Variants in NDRG2 observed in about 807,000 individuals in gnomAD.
NDRG2 encodes protein NDRG2.
In NDRG2, 34 loss-of-function variants were observed where a neutral mutation model predicts 58.2. The ratio of observed to expected loss-of-function variants is 0.58; its 90% CI spans 0.44 to 0.78. NDRG2 has a LOEUF of 0.78. NDRG2 is among the 30% of genes least tolerant of loss of function. The pLI, the probability that NDRG2 is intolerant of heterozygous loss-of-function variation, is 0.00. For synonymous variants in NDRG2, 187 were observed against 175.9 expected, an observed-to-expected ratio of 1.06 and a Z score of -0.50; for missense variants, 434 against 471.2, an observed-to-expected ratio of 0.92 and a Z score of 0.73.
intron 1 of NDRG2, chr14:21,031,849 C>T (rs375585553): frequency 1.7e-4 from 263 of 1,591,706 alleles, no homozygotes; most frequent in Middle Eastern, 5.0e-4. Context: ...GATATGACAG[C>T]GTAAGGAAAG....
chr14:21,030,324 G>A (rs919872328), upstream of NDRG2: 10 of 468,878 alleles, frequency 2.1e-5, no homozygotes, highest in Non-Finnish European at 3.5e-5. Flanking sequence ...AGAGGTAGGG[G>A]AAAGAGAGGA....
intron 1 of NDRG2, among the ~76,000 whole-genome samples, chr14:21,062,707 C>T (rs989625821): frequency 1.7e-5 from 1 of 57,664 alleles, no homozygotes; most frequent in Non-Finnish European, 3.3e-5. Context: ...AGGCTGGGCA[C>T]AGTGTGTGTG....
In NDRG2 at chr14:21,024,774, C is replaced by T. The variant is rs1882897633; in HGVS notation, c.-751G>A. ...CGTCCCTACGAGTCCCTACGCAGCC[C>T]GTCCGCGTGGAGACTGACACCCTTG... On this transcript the variant is annotated 5_prime_UTR_variant, in exon 1 of 16. Transcript: ENST00000556147. The T allele has an allele frequency of 1.0e-6, 1 of 985,592 alleles. No homozygotes were observed. Among genetic ancestry groups the T allele is most frequent in the Non-Finnish European group, 1.2e-6 (1 of 830,054 alleles). 61.1% of individuals were successfully genotyped at this position (985,592 alleles called of 1,614,324 possible). A position where few individuals can be genotyped will look rare whatever the true frequency, so the allele number is the denominator to read the frequency against.
chr14:21,019,616 G>A (rs765151552), intron 10 of NDRG2, 23 bp downstream of exon 10: 22 of 1,483,846 alleles, frequency 1.5e-5, no homozygotes, highest in South Asian at 5.8e-5. Flanking sequence ...TCTCTCACAT[G>A]CATACACACA....
chr14:21,017,164 T>A lies in NDRG2; in HGVS notation c.*432A>T, dbSNP rs1877244998. The stretch of plus-strand genomic sequence containing the variant: ...CATACCCTTCAGAGTCCTAAAGGGT[T>A]AATGAGAAGCCACCTCAGCTTTGGT... On this transcript the variant is annotated 3_prime_UTR_variant, in exon 16 of 16. Transcript: ENST00000556147. The A allele has an allele frequency of 2.7e-6, 1 of 365,760 alleles. No homozygotes were observed. The highest frequency in any genetic ancestry group is 3.3e-5 in the Admixed American group (1 of 30,158). The allele number at this position is 365,760 out of a possible 1,614,324, so 22.7% of individuals were successfully genotyped here. A position where few individuals can be genotyped will look rare whatever the true frequency, so the allele number is the denominator to read the frequency against.
At chr14:21,058,274 C>G (rs1885774461) in intron 1 of NDRG2, 2 of 1,614,150 alleles carry the variant, frequency 1.2e-6, no homozygotes. Flanking sequence ...CCTGAACACA[C>G]CTTACATAGT....
chr14:21,023,894 G>T, intron 1 of NDRG2, 136 bp downstream of exon 1: 1 of 849,110 alleles, frequency 1.2e-6, no homozygotes, highest in Non-Finnish European at 1.4e-6. Flanking sequence ...CCAACCCAAT[G>T]CCTCCCTTCC....
intron 1 of NDRG2, among the ~76,000 whole-genome samples, chr14:21,056,687 CTCTT>C (rs1343670332): frequency 6.6e-6 from 1 of 152,254 alleles, no homozygotes; most frequent in African/African-American, 2.4e-5. Flanking sequence ...CTATGGGAAA[CTCTT>C]TCCTCTTTCC....
chr14:21,058,417 C>A, intron 1 of NDRG2: 2 of 1,251,828 alleles, frequency 1.6e-6, no homozygotes, highest in Non-Finnish European at 2.3e-6. Context: ...CTTTTCCTCC[C>A]TCCAGTTCGT....
intron 1 of NDRG2, among the ~76,000 whole-genome samples, chr14:21,034,938 T>A (rs987158022): frequency 6.6e-6 from 1 of 152,246 alleles, no homozygotes; most frequent in Non-Finnish European, 1.5e-5. Context: ...AGTTCCTAAG[T>A]GCCTGGGCTT....
intron 1 of NDRG2, chr14:21,042,975 C>T (rs775940753): frequency 2.9e-5 from 47 of 1,602,764 alleles, no homozygotes; most frequent in Admixed American, 1.9e-4. Flanking sequence ...TCCATCCTGA[C>T]TGCTCCTCCT....
At chr14:21,059,412 T>C (rs947592919) in intron 1 of NDRG2, among the ~76,000 whole-genome samples, 1 of 152,154 alleles carries the variant, frequency 6.6e-6, no homozygotes, top group African/African-American at 2.4e-5. Context: ...ACAAGCTCAA[T>C]TGTTTTATTA....
At chr14:21,055,100 C>T (rs1885616902) in intron 1 of NDRG2, among the ~76,000 whole-genome samples, 1 of 152,156 alleles carries the variant, frequency 6.6e-6, no homozygotes, top group African/African-American at 2.4e-5. Context: ...ATATATTCCT[C>T]ATTCAATATT....
chr14:21,030,900 A>G, intron 1 of NDRG2: 18 of 1,509,226 alleles, frequency 1.2e-5, no homozygotes. Context: ...TCTTCGAGAC[A>G]CTCACTGATT....
rs752546777 is a variant in NDRG2 at position 21,018,744 on chromosome 14, C to G, written c.813+19G>C. ...ACCCCAACCCTCCTCCCTCACTCACCCCAAAATTCCCTACTAACCACTGCA... is the reference window on the plus strand; with the variant it reads ...ACCCCAACCCTCCTCCCTCACTCACGCCAAAATTCCCTACTAACCACTGCA... On this transcript the variant is annotated intron_variant, in intron 12 of 15. Transcript: ENST00000556147. 1 of 1,614,050 alleles carries G rather than the reference C, an allele frequency of 6.2e-7. No individual in the cohort carries two copies. Among genetic ancestry groups the G allele is most frequent in the South Asian group, 1.1e-5 (1 of 91,078 alleles).
intron 3 of NDRG2, 87 bp from the exon 4 acceptor site, chr14:21,022,584 G>T: frequency 1.0e-6 from 1 of 974,948 alleles, no homozygotes; most frequent in Non-Finnish European, 1.6e-6. Context: ...GCTGGGAGTG[G>T]GTGGGCAAGA....
intron 1 of NDRG2, among the ~76,000 whole-genome samples, chr14:21,035,617 T>C (rs1884571625): frequency 1.3e-5 from 2 of 151,886 alleles, no homozygotes; most frequent in Admixed American, 1.3e-4. Flanking sequence ...CACAGAAAGC[T>C]GAGTGCTCCA....
intron 1 of NDRG2, chr14:21,032,052 G>A (rs1884233417): frequency 1.2e-6 from 2 of 1,613,858 alleles, no homozygotes; most frequent in Non-Finnish European, 8.5e-7. Context: ...AAGGGTTCTG[G>A]CACCTACGAT....
chr14:21,021,274 T>G lies in NDRG2; in HGVS notation c.408-430A>C, dbSNP rs369807946. The G allele has an allele frequency of 3.1e-4, 114 of 367,522 alleles. 1 individual carries two copies. Among genetic ancestry groups the G allele is most frequent in the African/African-American group, 2.1e-3 (100 of 47,284 alleles). The allele number at this position is 367,522 out of a possible 1,614,324, so 22.8% of individuals were successfully genotyped here. Reference sequence around the variant, plus strand: ...CAATTTTAGTGAACAATGGAGAGAATGAGGAAAAGAGTGGCAAAGTGGTGA... The same window carrying G: ...CAATTTTAGTGAACAATGGAGAGAAGGAGGAAAAGAGTGGCAAAGTGGTGA... On this transcript the variant is annotated intron_variant, in intron 6 of 15. Coordinates refer to ENST00000556147, the MANE Select transcript of NDRG2 (RefSeq NM_001320329.2).
Sources: allele counts gnomAD v4.1 joint callset (sites outside exome capture counted in the v4.1 genomes callset), GRCh38; gene constraint gnomAD v4.1.1; transcripts MANE v1.5; gene names NCBI Gene and HGNC (gene_info 2026-07-23, HGNC 2026-07-21).